Variants in NECAB1 observed in about 807,000 individuals in gnomAD.
NECAB1 encodes N-terminal EF-hand calcium binding protein 1.
Under a neutral mutation model 57.5 loss-of-function variants are expected in NECAB1, and 29 were observed. The observed-to-expected ratio is 0.50, with a 90% CI of 0.38 to 0.69. The LOEUF (loss-of-function observed/expected upper bound fraction) is 0.69, where lower values mean the gene tolerates loss of function less well. Among genes scored for constraint, NECAB1 ranks in the 30% least tolerant of loss-of-function variants. The pLI is 0.00. For missense variants in NECAB1, 372 were observed against 413.8 expected (o/e 0.90, Z 0.88); for synonymous variants, 142 against 147.7 (o/e 0.96, Z 0.28).
chr8:90,903,182 T>G (rs1019703003), intron 5 of NECAB1, among the ~76,000 whole-genome samples: 8 of 152,042 alleles, frequency 5.3e-5, no homozygotes, highest in Non-Finnish European at 1.2e-4. Flanking sequence ...TACCATAAAA[T>G]TAACCAAGTG....
chr8:90,898,814 C>T (rs541784121), intron 5 of NECAB1, among the ~76,000 whole-genome samples: 100 of 152,364 alleles, frequency 6.6e-4, no homozygotes, highest in African/African-American at 2.3e-3. Context: ...GGTACACAAT[C>T]TACTTTCCTC....
intron 3 of NECAB1, among the ~76,000 whole-genome samples, chr8:90,850,812 T>C (rs1160829668): frequency 6.6e-6 from 1 of 152,232 alleles, no homozygotes; most frequent in African/African-American, 2.4e-5. Context: ...AGCTTCTAAA[T>C]GCCTTGGAAT....
At chr8:90,805,336 A>C (rs1167082822) in intron 2 of NECAB1, among the ~76,000 whole-genome samples, 4 of 152,014 alleles carry the variant, frequency 2.6e-5, no homozygotes, top group Non-Finnish European at 5.9e-5. Flanking sequence ...AACGAAAGGA[A>C]GAAGAGGCAA....
intron 8 of NECAB1, among the ~76,000 whole-genome samples, chr8:90,932,589 A>G (rs1810436452): frequency 6.6e-6 from 1 of 152,218 alleles, no homozygotes; most frequent in South Asian, 2.1e-4. Flanking sequence ...GAAGGCAGCT[A>G]TGTAAAGATT....
intron 3 of NECAB1, among the ~76,000 whole-genome samples, chr8:90,870,102 T>C (rs1808595417): frequency 6.6e-6 from 1 of 152,190 alleles, no homozygotes; most frequent in South Asian, 2.1e-4. Flanking sequence ...TCCCACCATG[T>C]AAGAGGTGTT....
chr8:90,958,534 T>G lies in NECAB1; in HGVS notation c.*3022T>G, dbSNP rs766178100. The G allele has an allele frequency of 6.5e-6, 1 of 154,720 alleles. No homozygotes were observed. Among genetic ancestry groups the G allele is most frequent in the Admixed American group, 6.6e-5 (1 of 15,168 alleles). 9.6% of individuals were successfully genotyped at this position (154,720 alleles called of 1,614,324 possible). A position where few individuals can be genotyped will look rare whatever the true frequency, so the allele number is the denominator to read the frequency against. On this transcript the variant is annotated 3_prime_UTR_variant, in exon 13 of 13. Transcript: ENST00000417640. ...TGAACATTCTGAATCATTCTAAGCC[T>G]CTGGAGAGACTGTAATGATCCATTC...
chr8:90,863,648 A>G (rs891937916), intron 3 of NECAB1, among the ~76,000 whole-genome samples: 1 of 152,180 alleles, frequency 6.6e-6, no homozygotes, highest in African/African-American at 2.4e-5. Flanking sequence ...ACTAAGTAAT[A>G]AGGAGATGAG....
At chr8:90,851,600 T>C (rs988233102) in intron 3 of NECAB1, among the ~76,000 whole-genome samples, 3 of 152,198 alleles carry the variant, frequency 2.0e-5, no homozygotes, top group African/African-American at 4.8e-5. Flanking sequence ...ATCTTTTATT[T>C]CCATTTTTAA....
intron 8 of NECAB1, among the ~76,000 whole-genome samples, chr8:90,928,730 T>A (rs955388963): frequency 1.3e-5 from 2 of 152,218 alleles, no homozygotes; most frequent in Non-Finnish European, 2.9e-5. Flanking sequence ...GGCAGTGCTA[T>A]CTACTAAAAG....
At chr8:90,849,949 G>C (rs779720238) in intron 3 of NECAB1, among the ~76,000 whole-genome samples, 1 of 152,200 alleles carries the variant, frequency 6.6e-6, no homozygotes, top group African/African-American at 2.4e-5. Context: ...AAAGCAGAAA[G>C]ATAAGGGACT....
chr8:90,892,252 G>A (rs1486772343), intron 5 of NECAB1, among the ~76,000 whole-genome samples: 1 of 146,744 alleles, frequency 6.8e-6, no homozygotes, highest in African/African-American at 2.8e-5. Context: ...GGTGGGTGAG[G>A]GGTTAATACA....
At chr8:90,912,945 G>T (rs905942697) in intron 5 of NECAB1, among the ~76,000 whole-genome samples, 3 of 152,126 alleles carry the variant, frequency 2.0e-5, no homozygotes, top group African/African-American at 7.2e-5. Flanking sequence ...GAGCTGCAGG[G>T]AGTTAATCCA....
chr8:90,868,677 C>T (rs567476641), intron 3 of NECAB1, among the ~76,000 whole-genome samples: 1 of 152,278 alleles, frequency 6.6e-6, no homozygotes, highest in East Asian at 1.9e-4. Flanking sequence ...ACAGCATATG[C>T]TCATATATGT....
At chr8:90,955,112 T>TTAATTATATATATATATA (rs1234665098) in intron 12 of NECAB1, among the ~76,000 whole-genome samples, 63 of 70,802 alleles carry the variant, frequency 8.9e-4, no homozygotes, top group African/African-American at 3.0e-3. Context: ...GGTATATAAA[T>TTAATTATATATATATATA]TATATATATA....
chr8:90,821,873 A>C (rs1160354064), intron 2 of NECAB1, among the ~76,000 whole-genome samples: 1 of 151,822 alleles, frequency 6.6e-6, no homozygotes, highest in Non-Finnish European at 1.5e-5. Context: ...GTGCCCTACT[A>C]GCAAATGGCA....
intron 4 of NECAB1, among the ~76,000 whole-genome samples, chr8:90,878,986 ATATAT>A (rs900132687): frequency 2.8e-5 from 4 of 144,842 alleles, no homozygotes; most frequent in African/African-American, 5.0e-5. Flanking sequence ...CTCTCTCTAC[ATATAT>A]TATATATAGA....
chr8:90,904,176 T>C (rs1375122790), intron 5 of NECAB1, among the ~76,000 whole-genome samples: 1 of 152,066 alleles, frequency 6.6e-6, no homozygotes, highest in Non-Finnish European at 1.5e-5. Context: ...TGCCCCCAGA[T>C]ACTGGACAAA....
intron 3 of NECAB1, among the ~76,000 whole-genome samples, chr8:90,835,314 A>G (rs1408184226): frequency 1.3e-5 from 2 of 152,138 alleles, no homozygotes; most frequent in African/African-American, 4.8e-5. Context: ...TTCTTAGCAT[A>G]GTAAAGTTTT....
chr8:90,941,509 G>T (rs746222750), intron 10 of NECAB1, among the ~76,000 whole-genome samples: 116 of 152,002 alleles, frequency 7.6e-4, no homozygotes, highest in Non-Finnish European at 1.4e-3. Flanking sequence ...CACTCCAACT[G>T]GTTCAATAAA....
Sources: allele counts gnomAD v4.1 joint callset (sites outside exome capture counted in the v4.1 genomes callset), GRCh38; gene constraint gnomAD v4.1.1; transcripts MANE v1.5; gene names NCBI Gene and HGNC (gene_info 2026-07-23, HGNC 2026-07-21).